The following CNBD2 variants were observed in gnomAD, a reference collection of about 807,000 sequenced individuals.
The protein encoded by CNBD2 is cyclic nucleotide-binding domain-containing protein 2.
A neutral mutation model predicts 63.7 loss-of-function variants in CNBD2; 64 were observed. That is an observed-to-expected ratio of 1.00 (90% CI 0.82 to 1.24). The LOEUF (loss-of-function observed/expected upper bound fraction) is 1.24, where lower values mean the gene tolerates loss of function less well. CNBD2 is among the 50% of genes most tolerant of loss of function. The probability of loss-of-function intolerance (pLI) is 0.00; values close to 1 mark genes in which losing one functional copy is unlikely to be tolerated. For synonymous variants in CNBD2, 229 were observed against 255.4 expected (o/e 0.90, Z 0.99); for missense variants, 691 against 713.5 (o/e 0.97, Z 0.36).
intron 10 of CNBD2, among the ~76,000 whole-genome samples, chr20:36,017,720 G>A (rs1208810215): frequency 3.9e-5 from 6 of 152,164 alleles, no homozygotes; most frequent in South Asian, 2.1e-4. Flanking sequence ...CCAGTGTTCC[G>A]TTAATTATTT....
chr20:35,975,984 G>A lies in CNBD2; in HGVS notation c.225G>A (p.Met75Ile). The change falls in exon 3 of 12, where the codon ATG (methionine) becomes ATA (isoleucine). Residue 75 changes from methionine to isoleucine, a missense_variant. Met to Ile is a conservative substitution (Grantham distance 10). Coordinates refer to ENST00000373973, the MANE Select transcript of CNBD2 (RefSeq NM_001365709.1). ...KMQSRVTFDT[M>I]DFIAEEGHFP... ...AAAGCCGAGTCACATTTGATACCAT[G>A]GACTTCATTGCAGAGGAGGTATGCA... 2 of 1,613,014 alleles carry A rather than the reference G, an allele frequency of 1.2e-6. No homozygotes were observed. Among genetic ancestry groups the A allele is most frequent in the Non-Finnish European group, 1.7e-6 (2 of 1,179,136 alleles).
At chr20:36,015,278 T>C (rs1289973822) in intron 10 of CNBD2, among the ~76,000 whole-genome samples, 1 of 152,252 alleles carries the variant, frequency 6.6e-6, no homozygotes, top group Non-Finnish European at 1.5e-5. Context: ...CCTTATCAGA[T>C]GTACGGCTTG....
At chr20:36,014,204 G>A (rs909308048) in intron 10 of CNBD2, among the ~76,000 whole-genome samples, 2 of 134,602 alleles carry the variant, frequency 1.5e-5, no homozygotes, top group African/African-American at 6.0e-5. Context: ...AAGGAAATAT[G>A]TATAGGTATG....
At chr20:36,013,380 T>C (rs935508667) in intron 10 of CNBD2, among the ~76,000 whole-genome samples, 1 of 152,066 alleles carries the variant, frequency 6.6e-6, no homozygotes, top group African/African-American at 2.4e-5. Context: ...ATCGCGCCAC[T>C]GCACTCCAGC....
chr20:35,954,889 C>G (rs1472563911), exon 1 of CNBD2: 1 of 275,748 alleles, frequency 3.6e-6, no homozygotes, highest in Non-Finnish European at 7.7e-6. Flanking sequence ...GTGACCCGAA[C>G]AGGAGAGCGG....
intron 2 of CNBD2, among the ~76,000 whole-genome samples, chr20:35,975,387 G>T (rs1214380049): frequency 2.7e-5 from 3 of 109,970 alleles, no homozygotes; most frequent in Non-Finnish European, 5.7e-5. Context: ...TGCAAGCTCC[G>T]CCTCCCGGGT....
chr20:35,973,058 C>G (rs987586707), intron 2 of CNBD2: 3 of 490,212 alleles, frequency 6.1e-6, no homozygotes, highest in African/African-American at 5.8e-5. Context: ...GCTGCCAAAA[C>G]TCATGGCAGG....
intron 2 of CNBD2, 94 bp from the exon 3 acceptor site, chr20:35,975,855 C>A: frequency 2.6e-6 from 3 of 1,164,164 alleles, no homozygotes; most frequent in Non-Finnish European, 3.8e-6. Flanking sequence ...TCCTGCCCAC[C>A]ATGGTGGTCC....
chr20:35,980,672 A>G, intron 4 of CNBD2, 50 bp downstream of exon 4: 1 of 1,577,260 alleles, frequency 6.3e-7, no homozygotes, highest in Non-Finnish European at 8.7e-7. Context: ...TGGACTGAGC[A>G]AAAGAGCCTG....
chr20:35,998,588 G>A (rs1197793197), intron 8 of CNBD2, among the ~76,000 whole-genome samples: 1 of 152,026 alleles, frequency 6.6e-6, no homozygotes, highest in African/African-American at 2.4e-5. Context: ...TGTTAATAGA[G>A]GCTGGCGTGG....
In CNBD2 at chr20:35,975,935, C is replaced by G; in HGVS notation, c.190-14C>G. On this transcript the variant is annotated splice_polypyrimidine_tract_variant and intron_variant, in intron 2 of 11. Transcript: ENST00000373973. ...TGCTGATTCTCCCTCTTCTCCCTGC[C>G]CTCTTTCTTTCAGAAAAAGATGCAA... 6.2e-7 allele frequency: 1 copy of G among 1,611,528 alleles called. No individual in the cohort carries two copies. Among genetic ancestry groups the G allele is most frequent in the Non-Finnish European group, 8.5e-7 (1 of 1,177,826 alleles).
At chr20:35,970,950 C>CTT (rs539363959) in intron 1 of CNBD2, among the ~76,000 whole-genome samples, 10 of 136,760 alleles carry the variant, frequency 7.3e-5, no homozygotes, top group Non-Finnish European at 9.5e-5. Flanking sequence ...TTTTCTTTTT[C>CTT]TTTTTTTTTT....
At chr20:35,964,370 G>C (rs923236287), upstream of CNBD2, among the ~76,000 whole-genome samples, 5 of 150,980 alleles carry the variant, frequency 3.3e-5, no homozygotes, top group African/African-American at 1.2e-4. Flanking sequence ...AGTAGAGATG[G>C]GGTTTCTCCA....
At chr20:36,026,513 A>G (rs2057284769) in intron 11 of CNBD2, among the ~76,000 whole-genome samples, 1 of 152,046 alleles carries the variant, frequency 6.6e-6, no homozygotes, top group Non-Finnish European at 1.5e-5. Context: ...TATAGGATAA[A>G]GTCCAAACTC....
chr20:36,030,424 C>T lies in CNBD2; in HGVS notation c.1507C>T (p.Gln503Ter). The T allele has an allele frequency of 6.2e-7, 1 of 1,614,134 alleles. No homozygotes were observed. Among genetic ancestry groups the T allele is most frequent in the Non-Finnish European group, 8.5e-7 (1 of 1,180,018 alleles). Residue 503 changes from glutamine (Q) to a stop codon, truncating the protein, a stop_gained, in exon 12 of 12, where the codon CAG (glutamine) becomes TAG (stop). Transcript: ENST00000373973. LOFTEE classifies it low-confidence loss of function (END_TRUNC). ...SWNIFRKDLL[Q>*]LLVEPCQSQL... ...GAATATCTTTCGGAAGGACCTGTTG[C>T]AGCTGCTCGTGGAGCCTTGCCAAAG...
intron 2 of CNBD2, among the ~76,000 whole-genome samples, chr20:35,961,867 C>T (rs949116899): frequency 2.0e-5 from 3 of 152,148 alleles, no homozygotes; most frequent in Admixed American, 1.3e-4. Flanking sequence ...AAAAATGGAA[C>T]ATCTGTGTGT....
chr20:35,984,414 G>A (rs2056638508), intron 5 of CNBD2, among the ~76,000 whole-genome samples: 1 of 152,200 alleles, frequency 6.6e-6, no homozygotes, highest in African/African-American at 2.4e-5. Flanking sequence ...GCCTGTTCAG[G>A]TCTGTTGCCT....
At chr20:35,955,184 TCTTGC>T (rs1177747104) in exon 1 of CNBD2, 6 of 163,516 alleles carry the variant, frequency 3.7e-5, no homozygotes, top group African/African-American at 1.4e-4. Context: ...TTGACTCAGC[TCTTGC>T]AACGTAGCTA....
At chr20:35,984,807 TC>T in intron 6 of CNBD2, 29 bp downstream of exon 6, 3 of 1,611,984 alleles carry the variant, frequency 1.9e-6, no homozygotes, top group South Asian at 1.1e-5. Flanking sequence ...AACATTTTTT[TC>T]CCCTTGTGTG....
Sources: gnomAD v4.1 joint callset for allele counts (sites outside exome capture counted in the v4.1 genomes callset) on GRCh38, gnomAD v4.1.1 for gene constraint, MANE v1.5 for transcripts, NCBI Gene and HGNC (gene_info 2026-07-23, HGNC 2026-07-21) for gene names.